The following TYW1 variants were observed in gnomAD, a reference collection of about 807,000 sequenced individuals.
TYW1 encodes the protein tRNA-yW synthesizing protein 1 homolog.
In TYW1, 46 loss-of-function variants were observed where a neutral mutation model predicts 96.2. That is an observed-to-expected ratio of 0.48 (90% confidence interval 0.38 to 0.61). The LOEUF (loss-of-function observed/expected upper bound fraction) is 0.61, where lower values mean the gene tolerates loss of function less well. TYW1 is among the 20% of genes least tolerant of loss of function. The probability of loss-of-function intolerance (pLI) is 0.00; values close to 1 mark genes in which losing one functional copy is unlikely to be tolerated. For synonymous variants in TYW1, 274 were observed against 323.0 expected, an observed-to-expected ratio of 0.85 and a Z score of 1.63; for missense variants, 684 against 909.6, an observed-to-expected ratio of 0.75 and a Z score of 3.19.
chr7:67,110,435 G>C (rs1164627594), intron 12 of TYW1, among the ~76,000 whole-genome samples: 2 of 152,156 alleles, frequency 1.3e-5, no homozygotes, highest in Non-Finnish European at 2.9e-5. Context: ...AGAGCCCCTC[G>C]ACAAAGGCTG....
intron 10 of TYW1, among the ~76,000 whole-genome samples, chr7:67,081,745 A>T (rs2711921): frequency 3.2e-4 from 42 of 130,624 alleles, no homozygotes; most frequent in Admixed American, 7.2e-4. Flanking sequence ...TCTTTTTCTC[A>T]TCTTCTCCTC....
intron 13 of TYW1, among the ~76,000 whole-genome samples, chr7:67,135,133 G>A (rs1173354822): frequency 6.6e-6 from 1 of 151,426 alleles, no homozygotes; most frequent in Non-Finnish European, 1.5e-5. Flanking sequence ...ATGGATGAAT[G>A]AATCAATGAA....
At chr7:67,040,727 C>T (rs1159704242) in intron 7 of TYW1, among the ~76,000 whole-genome samples, 1 of 151,874 alleles carries the variant, frequency 6.6e-6, no homozygotes, top group Non-Finnish European at 1.5e-5. Flanking sequence ...TGCCTATAAT[C>T]CCAGCTACTG....
At chr7:67,225,550 GAA>G (rs1461843833) in intron 15 of TYW1, among the ~76,000 whole-genome samples, 2 of 152,132 alleles carry the variant, frequency 1.3e-5, no homozygotes, top group Non-Finnish European at 2.9e-5. Context: ...TCCCATCTTG[GAA>G]TAAGAAGGGA....
intron 15 of TYW1, among the ~76,000 whole-genome samples, chr7:67,220,290 G>A (rs1310565258): frequency 1.7e-4 from 24 of 140,452 alleles, no homozygotes; most frequent in South Asian, 4.6e-4. Context: ...TGCAAGCTCC[G>A]CCTCCCGGGT....
chr7:66,998,812 T>G lies in TYW1; in HGVS notation c.136-5T>G. On this transcript the variant is annotated splice_polypyrimidine_tract_variant and splice_region_variant and intron_variant, in intron 2 of 15. Transcript: ENST00000359626. ...ATGGATTTTGTGTAATTATTTGTCT[T>G]CAAGGGCAAGAACTTACAGGAAAAA... The G allele has an allele frequency of 2.5e-6, 4 of 1,613,790 alleles. No homozygotes were observed. Among genetic ancestry groups the G allele is most frequent in the Non-Finnish European group, 3.4e-6 (4 of 1,179,924 alleles).
At chr7:67,226,275 C>T (rs190473323) in intron 15 of TYW1, among the ~76,000 whole-genome samples, 27 of 152,206 alleles carry the variant, frequency 1.8e-4, no homozygotes, top group African/African-American at 5.8e-4. Context: ...GCTAGGGACC[C>T]GATGGCCTTT....
chr7:67,141,009 C>G (rs1798431566), intron 13 of TYW1, among the ~76,000 whole-genome samples: 1 of 152,100 alleles, frequency 6.6e-6, no homozygotes, highest in East Asian at 1.9e-4. Context: ...CAGAAGCCAC[C>G]CCTAAGAAGA....
chr7:67,215,970 CCATA>C (rs892194525), intron 15 of TYW1, among the ~76,000 whole-genome samples: 11 of 139,276 alleles, frequency 7.9e-5, no homozygotes, highest in African/African-American at 3.1e-4. Flanking sequence ...TTGGCAACAC[CCATA>C]CAGACACACC....
chr7:67,120,310 T>C (rs1352378889), intron 13 of TYW1, among the ~76,000 whole-genome samples: 3 of 152,036 alleles, frequency 2.0e-5, no homozygotes, highest in Non-Finnish European at 2.9e-5. Flanking sequence ...TCAAAACTCC[T>C]GACCTCAAGT....
At chr7:67,214,480 A>G (rs1436444875) in intron 15 of TYW1, among the ~76,000 whole-genome samples, 2 of 152,080 alleles carry the variant, frequency 1.3e-5, no homozygotes, top group Admixed American at 6.5e-5. Flanking sequence ...CCTAATCTGT[A>G]TATCTTTTAT....
chr7:67,090,400 C>G (rs1340629976), intron 11 of TYW1, among the ~76,000 whole-genome samples: 1 of 152,120 alleles, frequency 6.6e-6, no homozygotes, highest in African/African-American at 2.4e-5. Context: ...AGCATTACAT[C>G]ATGTTTATTT....
intron 6 of TYW1, among the ~76,000 whole-genome samples, chr7:67,021,421 G>T (rs1794268449): frequency 6.6e-6 from 1 of 152,268 alleles, no homozygotes; most frequent in Non-Finnish European, 1.5e-5. Context: ...TTGCCTAAGT[G>T]ACTTTGCCCA....
rs796196464 is a variant in TYW1 at position 67,233,667 on chromosome 7, C to T, written c.1978-4641C>T. On this transcript the variant is annotated intron_variant, in intron 15 of 15. Coordinates refer to ENST00000359626, the MANE Select transcript of TYW1 (RefSeq NM_018264.4). Reference sequence around the variant, plus strand: ...AACTTCAGATTTTACGATTTGGGGTCTCATGCCTCTGTTTATGCAGCTGTC... The same window carrying T: ...AACTTCAGATTTTACGATTTGGGGTTTCATGCCTCTGTTTATGCAGCTGTC... 6.6e-5 allele frequency among the ~76,000 whole-genome samples: 9 copies of T among 136,306 alleles called. 2 individuals are homozygous for T. Among genetic ancestry groups the T allele is most frequent in the African/African-American group, 1.2e-4 (4 of 34,266 alleles). 89.4% of individuals were successfully genotyped at this position (136,306 alleles called of 152,430 possible).
At chr7:67,165,139 AT>A (rs960785164) in intron 13 of TYW1, among the ~76,000 whole-genome samples, 14 of 152,262 alleles carry the variant, frequency 9.2e-5, no homozygotes, top group African/African-American at 2.9e-4. Flanking sequence ...TTAAAAAAAA[AT>A]CTTTGCCAAT....
chr7:67,021,727 GT>G (rs773115475), intron 6 of TYW1, among the ~76,000 whole-genome samples: 188 of 152,324 alleles, frequency 1.2e-3, no homozygotes, highest in Non-Finnish European at 2.1e-3. Flanking sequence ...AACTTTTGAA[GT>G]TTCCCAAGGT....
chr7:67,035,748 G>A (rs1039938984), intron 7 of TYW1, among the ~76,000 whole-genome samples: 21 of 152,142 alleles, frequency 1.4e-4, no homozygotes, highest in Admixed American at 9.2e-4. Flanking sequence ...GCGCCATCTC[G>A]CTGACTGCAA....
intron 1 of TYW1, among the ~76,000 whole-genome samples, chr7:66,997,556 C>T (rs1793220736): frequency 6.6e-6 from 1 of 152,078 alleles, no homozygotes; most frequent in South Asian, 2.1e-4. Flanking sequence ...TCTGTTTTTT[C>T]TTTGAGTTAG....
chr7:67,200,193 A>G (rs958302469), intron 15 of TYW1, among the ~76,000 whole-genome samples: 3 of 152,040 alleles, frequency 2.0e-5, no homozygotes, highest in African/African-American at 7.2e-5. Context: ...TATTCTCTAT[A>G]ATGTTTGTTG....
Sources: gnomAD v4.1 joint callset for allele counts (sites outside exome capture counted in the v4.1 genomes callset) on GRCh38, gnomAD v4.1.1 for gene constraint, MANE v1.5 for transcripts, NCBI Gene and HGNC (gene_info 2026-07-23, HGNC 2026-07-21) for gene names.